The following MVB12B variants were observed in gnomAD, a reference collection of about 807,000 sequenced individuals.
The protein encoded by MVB12B is multivesicular body subunit 12B.
A neutral mutation model predicts 41.6 loss-of-function variants in MVB12B; 16 were observed. The ratio of observed to expected loss-of-function variants is 0.38; its 90% CI spans 0.26 to 0.58. MVB12B has a LOEUF of 0.58. Ranked by LOEUF, MVB12B falls within the 20% of genes least tolerant of loss-of-function variation. The pLI, the probability that MVB12B is intolerant of heterozygous loss-of-function variation, is 0.62. For missense variants in MVB12B, 274 were observed against 380.2 expected, an observed-to-expected ratio of 0.72 and a Z score of 2.32; for synonymous variants, 133 against 139.7, an observed-to-expected ratio of 0.95 and a Z score of 0.34.
intron 2 of MVB12B, among the ~76,000 whole-genome samples, chr9:126,378,927 T>C (rs775676649): frequency 2.6e-5 from 4 of 152,170 alleles, no homozygotes; most frequent in South Asian, 2.1e-4. Context: ...AGAACCATCA[T>C]TGGCAAGCCC....
At chr9:126,408,780 A>G (rs1831526594) in intron 6 of MVB12B, among the ~76,000 whole-genome samples, 1 of 152,140 alleles carries the variant, frequency 6.6e-6, no homozygotes. Context: ...CATAGTATCT[A>G]TGAAATGTTA....
intron 6 of MVB12B, among the ~76,000 whole-genome samples, chr9:126,401,032 AC>A (rs1346307842): frequency 6.6e-6 from 1 of 151,704 alleles, no homozygotes; most frequent in Non-Finnish European, 1.5e-5. Context: ...GCCTCACCCC[AC>A]CCTTCCTGCT....
At chr9:126,469,702 T>A (rs1437999359) in intron 7 of MVB12B, among the ~76,000 whole-genome samples, 1 of 152,236 alleles carries the variant, frequency 6.6e-6, no homozygotes, top group Non-Finnish European at 1.5e-5. Context: ...TGCTTTTTGT[T>A]CTGCATCTAC....
chr9:126,373,278 C>T (rs1006087280), intron 2 of MVB12B, among the ~76,000 whole-genome samples: 21 of 152,236 alleles, frequency 1.4e-4, no homozygotes, highest in Non-Finnish European at 2.9e-4. Context: ...TAGAAAGCAT[C>T]TTGAGCACAC....
chr9:126,493,404 T>C (rs1232419598), intron 9 of MVB12B, among the ~76,000 whole-genome samples: 1 of 152,204 alleles, frequency 6.6e-6, no homozygotes, highest in African/African-American at 2.4e-5. Context: ...TGTTATTCTA[T>C]TTTTATATTA....
chr9:126,426,116 G>C (rs978084601), intron 7 of MVB12B, among the ~76,000 whole-genome samples: 1 of 152,164 alleles, frequency 6.6e-6, no homozygotes, highest in Non-Finnish European at 1.5e-5. Flanking sequence ...GCTGCTTCAC[G>C]TTCCAATGGC....
At position 126,503,162 on chromosome 9, in the gene MVB12B, C is replaced by G; in HGVS notation, c.874-15C>G. The G allele has an allele frequency of 6.5e-7, 1 of 1,548,398 alleles. No homozygotes were observed. Among genetic ancestry groups the G allele is most frequent in the Non-Finnish European group, 8.7e-7 (1 of 1,144,898 alleles). Reference sequence around the variant, plus strand: ...TGGACTGACTGTGTCTCTCTGTCCCCACCCGCCCCTGCAGTACGAGTACAG... The same window carrying G: ...TGGACTGACTGTGTCTCTCTGTCCCGACCCGCCCCTGCAGTACGAGTACAG... On this transcript the variant is annotated splice_polypyrimidine_tract_variant and intron_variant, in intron 9 of 9. Coordinates refer to ENST00000361171, the MANE Select transcript of MVB12B (RefSeq NM_033446.3).
intron 7 of MVB12B, among the ~76,000 whole-genome samples, chr9:126,438,454 C>A (rs976124294): frequency 1.3e-5 from 2 of 152,090 alleles, no homozygotes; most frequent in African/African-American, 2.4e-5. Flanking sequence ...TAACATTTTC[C>A]AAAGTGTCTG....
In MVB12B at chr9:126,503,963, C is replaced by T. The variant is rs1050077795; in HGVS notation, c.*700C>T. On this transcript the variant is annotated 3_prime_UTR_variant, in exon 10 of 10. Coordinates refer to ENST00000361171, the MANE Select transcript of MVB12B (RefSeq NM_033446.3). ...GGACGGTTGACGGCCCTGCTTGGAT[C>T]CACCACCAGGACGCTGTGCTCGGCC... is the stretch of plus-strand genomic sequence containing the variant. The T allele has an allele frequency of 3.3e-5, 5 of 152,356 alleles. No individual in the cohort carries two copies. The highest frequency in any genetic ancestry group is 7.3e-5 in the Non-Finnish European group (5 of 68,160). 9.4% of individuals were successfully genotyped at this position (152,356 alleles called of 1,614,324 possible). A position where few individuals can be genotyped will look rare whatever the true frequency, so the allele number is the denominator to read the frequency against.
chr9:126,400,028 G>A (rs1176219764), intron 6 of MVB12B, among the ~76,000 whole-genome samples: 1 of 152,154 alleles, frequency 6.6e-6, no homozygotes, highest in Non-Finnish European at 1.5e-5. Flanking sequence ...CGGAGCGTGG[G>A]TGTGTGGAGT....
In MVB12B at chr9:126,395,431, G is replaced by T. The variant is rs1173954861; in HGVS notation, c.540-144G>T. 8.1e-6 allele frequency: 8 copies of T among 982,540 alleles called. No homozygotes were observed. In the East Asian group the frequency reaches 2.0e-4, roughly 25 times the overall value. 60.9% of individuals were successfully genotyped at this position (982,540 alleles called of 1,614,324 possible). A position where few individuals can be genotyped will look rare whatever the true frequency, so the allele number is the denominator to read the frequency against. ...TGACACCCAGAGCACAAAGGAGACG[G>T]TGGAACCCATTTCACGTGGAGGGCA... On this transcript the variant is annotated intron_variant, in intron 5 of 9. Coordinates refer to ENST00000361171, the MANE Select transcript of MVB12B (RefSeq NM_033446.3). The surrounding 1 kb of genome is among the most constrained non-coding windows in gnomAD (Gnocchi z 4.9).
chr9:126,487,202 C>T (rs538609483), intron 9 of MVB12B, among the ~76,000 whole-genome samples: 78 of 152,316 alleles, frequency 5.1e-4, no homozygotes, highest in African/African-American at 1.8e-3. Context: ...AATAATAGTG[C>T]TTAGTCCAGA....
chr9:126,488,030 CAGCCGTGGCAA>C (rs1833656357), intron 9 of MVB12B, among the ~76,000 whole-genome samples: 1 of 152,240 alleles, frequency 6.6e-6, no homozygotes, highest in Non-Finnish European at 1.5e-5. Flanking sequence ...GCTCCTTCCG[CAGCCGTGGCAA>C]AGGCTTTTCT....
At chr9:126,359,010 T>C (rs1445747714) in intron 2 of MVB12B, among the ~76,000 whole-genome samples, 1 of 152,186 alleles carries the variant, frequency 6.6e-6, no homozygotes, top group Non-Finnish European at 1.5e-5. Context: ...CATCACATGC[T>C]TTATCTGCTT....
At chr9:126,485,838 T>C (rs1004123015) in intron 9 of MVB12B, among the ~76,000 whole-genome samples, 4 of 152,212 alleles carry the variant, frequency 2.6e-5, no homozygotes, top group Admixed American at 2.0e-4. Context: ...AGGGCCCTCC[T>C]GTTTCCCTAA....
intron 7 of MVB12B, among the ~76,000 whole-genome samples, chr9:126,472,871 C>T (rs756044161): frequency 4.6e-5 from 7 of 152,192 alleles, no homozygotes; most frequent in Non-Finnish European, 7.4e-5. Context: ...ATGCTAATTG[C>T]GCCACAGAGC....
intron 7 of MVB12B, among the ~76,000 whole-genome samples, chr9:126,449,274 C>A (rs569522677): frequency 1.3e-5 from 2 of 152,306 alleles, no homozygotes; most frequent in Admixed American, 6.5e-5. Flanking sequence ...ATACAACCTG[C>A]AGAAGTCGGA....
intron 7 of MVB12B, among the ~76,000 whole-genome samples, chr9:126,464,973 C>T (rs1458555227): frequency 1.3e-5 from 2 of 152,194 alleles, no homozygotes; most frequent in Non-Finnish European, 1.5e-5. Context: ...GTGCCGGTAT[C>T]GGCTTCAGAC....
At chr9:126,476,175 G>A (rs540827630) in intron 7 of MVB12B, among the ~76,000 whole-genome samples, 3 of 137,450 alleles carry the variant, frequency 2.2e-5, no homozygotes, top group East Asian at 2.0e-4. Flanking sequence ...GCTGCTGTGC[G>A]GCATCCCGCA....
Sources: allele counts gnomAD v4.1 joint callset (sites outside exome capture counted in the v4.1 genomes callset), GRCh38; gene constraint gnomAD v4.1.1; non-coding constraint Gnocchi (gnomAD v3.1); transcripts MANE v1.5; gene names NCBI Gene and HGNC (gene_info 2026-07-23, HGNC 2026-07-21).